The following KIF21B variants were observed in gnomAD, a reference collection of about 807,000 sequenced individuals.
KIF21B encodes the protein kinesin-like protein KIF21B.
In KIF21B, 85 loss-of-function variants were observed where a neutral mutation model predicts 192.9. That is an observed-to-expected ratio of 0.44 (90% CI 0.37 to 0.53). The LOEUF is 0.53. KIF21B is among the 20% of genes least tolerant of loss of function. KIF21B has a pLI of 0.00. For synonymous variants in KIF21B, 832 were observed against 884.6 expected, an observed-to-expected ratio of 0.94 and a Z score of 1.05; for missense variants, 1,716 against 2,194.8, an observed-to-expected ratio of 0.78 and a Z score of 4.36.
At chr1:200,974,040 A>G (rs1655376984) in intron 34 of KIF21B, 6 of 1,591,326 alleles carry the variant, frequency 3.8e-6, no homozygotes, top group Non-Finnish European at 5.1e-6. Context: ...GGGGAAAGAG[A>G]GGGAAAAGGA....
In KIF21B at chr1:200,975,373, T is replaced by C; in HGVS notation, c.4614+126A>G. On this transcript the variant is annotated intron_variant, in intron 33 of 34. Transcript: ENST00000461742. This position sits in a 1 kb window ranked among gnomAD's most constrained non-coding sequence, Gnocchi z 4.3. ...GAGGAAGAGGGAGAACAGGAGGGCT[T>C]GGGGAGCTGTGAAAACCATCTGGCC... 1.3e-6 allele frequency: 1 copy of C among 786,324 alleles called. No individual in the cohort carries two copies. The highest frequency in any genetic ancestry group is 1.8e-5 in the South Asian group (1 of 56,140). The allele number at this position is 786,324 out of a possible 1,614,324, so 48.7% of individuals were successfully genotyped here.
intron 17 of KIF21B, 59 bp downstream of exon 17, chr1:200,991,598 C>T (rs1656700579): frequency 2.0e-6 from 3 of 1,509,082 alleles, no homozygotes; most frequent in Non-Finnish European, 2.8e-6. Flanking sequence ...GCAATGCACA[C>T]ATGCACGCAC....
At chr1:200,992,969 T>C (rs912315573) in intron 15 of KIF21B, among the ~76,000 whole-genome samples, 1 of 152,184 alleles carries the variant, frequency 6.6e-6, no homozygotes, top group African/African-American at 2.4e-5. Context: ...CAAAAGGACT[T>C]AAAGTCATAA....
At position 200,970,407 on chromosome 1, in the gene KIF21B, G is replaced by A. The variant is rs570238506; in HGVS notation, c.*3114C>T. On this transcript the variant is annotated 3_prime_UTR_variant, in exon 35 of 35. Transcript: ENST00000461742. Reference sequence around the variant, plus strand: ...AGACCCACCGCTGTCCCTTCCCAAGGGGCTGAAGGTGGCACTCTGACCACC... The same window carrying A: ...AGACCCACCGCTGTCCCTTCCCAAGAGGCTGAAGGTGGCACTCTGACCACC... 6.5e-6 allele frequency: 1 copy of A among 152,816 alleles called. No homozygotes were observed. The highest frequency in any genetic ancestry group is 1.9e-4 in the East Asian group (1 of 5,316). The allele number at this position is 152,816 out of a possible 1,614,324, so 9.5% of individuals were successfully genotyped here. A position where few individuals can be genotyped will look rare whatever the true frequency, so the allele number is the denominator to read the frequency against.
At chr1:200,989,918 T>C (rs752928140) in intron 21 of KIF21B, 24 bp downstream of exon 21, 3 of 1,522,360 alleles carry the variant, frequency 2.0e-6, no homozygotes, top group South Asian at 2.5e-5. Flanking sequence ...TAGAGCCCCC[T>C]GCCCATGTAC....
At chr1:200,977,071 A>C in intron 31 of KIF21B, 141 bp downstream of exon 31, 1 of 1,082,526 alleles carries the variant, frequency 9.2e-7, no homozygotes. Context: ...CTCACTGGAG[A>C]GGGCACAGGC....
At chr1:200,993,267 C>T (rs905381064) in intron 15 of KIF21B, among the ~76,000 whole-genome samples, 1 of 152,220 alleles carries the variant, frequency 6.6e-6, no homozygotes, top group African/African-American at 2.4e-5. Flanking sequence ...GGGCTTTGGA[C>T]ACCTTCCAAG....
chr1:201,016,620 A>G (rs1357620606), intron 1 of KIF21B, among the ~76,000 whole-genome samples: 1 of 152,174 alleles, frequency 6.6e-6, no homozygotes, highest in African/African-American at 2.4e-5. Context: ...AGTCTTCTAT[A>G]AAACAGGGTG....
chr1:200,974,163 G>A (rs201292196), intron 34 of KIF21B: 35 of 1,578,170 alleles, frequency 2.2e-5, no homozygotes, highest in Non-Finnish European at 1.7e-6. Flanking sequence ...GTGAGTCCAG[G>A]GACGTAATTC....
At chr1:201,018,972 T>C (rs1343090224) in intron 1 of KIF21B, among the ~76,000 whole-genome samples, 1 of 152,272 alleles carries the variant, frequency 6.6e-6, no homozygotes, top group Non-Finnish European at 1.5e-5. Context: ...TCTTGCTTAG[T>C]CACCCAGGCT....
chr1:200,974,587 C>A (rs1655419735), intron 34 of KIF21B, 127 bp downstream of exon 34: 2 of 957,600 alleles, frequency 2.1e-6, no homozygotes, highest in Admixed American at 2.1e-5. Context: ...AAGGAGGCCA[C>A]CATGGAATCT....
At chr1:201,013,500 G>T (rs984357994) in intron 1 of KIF21B, among the ~76,000 whole-genome samples, 4 of 152,282 alleles carry the variant, frequency 2.6e-5, no homozygotes, top group East Asian at 3.9e-4. Flanking sequence ...TGGGAGGGGG[G>T]TCAAGGATCT....
intron 15 of KIF21B, among the ~76,000 whole-genome samples, chr1:200,993,468 G>T (rs756678513): frequency 6.6e-6 from 1 of 152,148 alleles, no homozygotes; most frequent in Non-Finnish European, 1.5e-5. Flanking sequence ...CAGGCCGAGC[G>T]CGGTGGCTCA....
At position 201,000,553 on chromosome 1, in the gene KIF21B, G is replaced by A. The variant is rs1053127686; in HGVS notation, c.1522C>T (p.Arg508Trp). 2 of 1,613,200 alleles carry A rather than the reference G, an allele frequency of 1.2e-6. No homozygotes were observed. Among genetic ancestry groups the A allele is most frequent in the Non-Finnish European group, 1.7e-6 (2 of 1,179,670 alleles). ...GAGTAGGGGCTCCTAGCCGAGGCCC[G>A]TGAGAGGCTGCGGCGCAGGGACTCG... ...MNESLRRSLSRASARSPYSLG... is the reference protein window; with the variant it reads ...MNESLRRSLSWASARSPYSLG... Residue 508 changes from arginine to tryptophan, a missense_variant, in exon 11 of 35, where the codon CGG (arginine) becomes TGG (tryptophan). Arg to Trp is a moderately radical substitution (Grantham distance 101). Transcript: ENST00000461742. This position sits in a 1 kb window ranked among gnomAD's most constrained non-coding sequence, Gnocchi z 6.0.
At position 200,972,140 on chromosome 1, in the gene KIF21B, C is replaced by G. The variant is rs976877975; in HGVS notation, c.*1381G>C. The G allele has an allele frequency of 6.6e-6, 1 of 152,296 alleles. No homozygotes were observed. The highest frequency in any genetic ancestry group is 1.5e-5 in the Non-Finnish European group (1 of 68,038). The allele number at this position is 152,296 out of a possible 1,614,324, so 9.4% of individuals were successfully genotyped here. A position where few individuals can be genotyped will look rare whatever the true frequency, so the allele number is the denominator to read the frequency against. On this transcript the variant is annotated 3_prime_UTR_variant, in exon 35 of 35. Coordinates refer to ENST00000461742, the MANE Select transcript of KIF21B (RefSeq NM_001252102.2). Reference sequence around the variant, plus strand: ...ATTCCAGAGTTCCCCCAACAGGGGGCGCCAGAACACTGATTTAACAATTTC... The same window carrying G: ...ATTCCAGAGTTCCCCCAACAGGGGGGGCCAGAACACTGATTTAACAATTTC...
chr1:200,984,837 C>T, intron 27 of KIF21B, 22 bp downstream of exon 27: 1 of 1,502,104 alleles, frequency 6.7e-7, no homozygotes, highest in Non-Finnish European at 8.9e-7. Flanking sequence ...CCCTCCCCCA[C>T]TTGCCCTCCA....
chr1:200,973,489 G>C lies in KIF21B; in HGVS notation c.*32C>G. ...CCATGGTGTCCAGGCTGCTGGGGTCGAGGGTCCGGGGGCATCCCTCTGACC... is the reference window on the plus strand; with the variant it reads ...CCATGGTGTCCAGGCTGCTGGGGTCCAGGGTCCGGGGGCATCCCTCTGACC... On this transcript the variant is annotated 3_prime_UTR_variant, in exon 35 of 35. Transcript: ENST00000461742. The C allele has an allele frequency of 7.0e-7, 1 of 1,419,334 alleles. No individual in the cohort carries two copies. Among genetic ancestry groups the C allele is most frequent in the Non-Finnish European group, 9.1e-7 (1 of 1,094,500 alleles). 87.9% of individuals were successfully genotyped at this position (1,419,334 alleles called of 1,614,324 possible). A position where few individuals can be genotyped will look rare whatever the true frequency, so the allele number is the denominator to read the frequency against.
chr1:200,977,621 T>C (rs1173549479), intron 30 of KIF21B, among the ~76,000 whole-genome samples: 4 of 152,118 alleles, frequency 2.6e-5, no homozygotes, highest in Admixed American at 2.0e-4. Context: ...CTTGGAAAGA[T>C]GGTAAGGCTC....
chr1:201,009,525 C>A (rs1188385789), intron 1 of KIF21B, 37 bp from the exon 2 acceptor site: 5 of 1,582,180 alleles, frequency 3.2e-6, no homozygotes, highest in Non-Finnish European at 1.7e-6. Context: ...TCAGGCCCAG[C>A]TAGAAGGGGG....
Sources: gnomAD v4.1 joint callset for allele counts (sites outside exome capture counted in the v4.1 genomes callset) on GRCh38, gnomAD v4.1.1 for gene constraint, Gnocchi (gnomAD v3.1) non-coding constraint, MANE v1.5 for transcripts, NCBI Gene and HGNC (gene_info 2026-07-23, HGNC 2026-07-21) for gene names.